MAP2K6: variants seen among roughly 807,000 people sequenced by gnomAD.
The protein encoded by MAP2K6 is dual specificity mitogen-activated protein kinase kinase 6.
MAP2K6 carries 16 observed loss-of-function variants against 53.7 expected under a neutral mutation model. That is an observed-to-expected ratio of 0.30 (90% CI 0.20 to 0.45). The LOEUF is 0.45. Ranked by LOEUF, MAP2K6 falls within the 20% of genes least tolerant of loss-of-function variation. The pLI, the probability that MAP2K6 is intolerant of heterozygous loss-of-function variation, is 1.00. For missense variants in MAP2K6, 204 were observed against 411.9 expected (o/e 0.50, Z 4.37); for synonymous variants, 132 against 143.1 (o/e 0.92, Z 0.55).
intron 11 of MAP2K6, among the ~76,000 whole-genome samples, chr17:69,537,718 T>C (rs1296202384): frequency 6.6e-6 from 1 of 152,346 alleles, no homozygotes; most frequent in East Asian, 1.9e-4. Context: ...TGGGCCTCCA[T>C]TGGGTGCATT....
chr17:69,479,528 A>T (rs1012198870), intron 1 of MAP2K6, among the ~76,000 whole-genome samples: 2 of 147,114 alleles, frequency 1.4e-5, no homozygotes, highest in African/African-American at 5.2e-5. Context: ...TTCCAAAATT[A>T]AAAAAAAAAT....
intron 11 of MAP2K6, among the ~76,000 whole-genome samples, chr17:69,539,934 A>G (rs575306406): frequency 2.6e-5 from 4 of 152,324 alleles, no homozygotes; most frequent in Admixed American, 6.5e-5. Flanking sequence ...GCTCAGGAGG[A>G]AGGACCTGGC....
intron 1 of MAP2K6, among the ~76,000 whole-genome samples, chr17:69,478,006 G>T (rs1598281141): frequency 6.6e-6 from 1 of 152,164 alleles, no homozygotes; most frequent in South Asian, 2.1e-4. Flanking sequence ...GACAGGTAAA[G>T]GTGTTAAAGG....
chr17:69,450,046 T>A (rs112184841), intron 1 of MAP2K6, among the ~76,000 whole-genome samples: 18 of 151,790 alleles, frequency 1.2e-4, no homozygotes, highest in African/African-American at 4.3e-4. Flanking sequence ...GTGATTCTCC[T>A]GCATCAGCCT....
At chr17:69,442,786 TACTTG>T (rs1294705919) in intron 1 of MAP2K6, among the ~76,000 whole-genome samples, 5 of 152,234 alleles carry the variant, frequency 3.3e-5, no homozygotes, top group African/African-American at 1.2e-4. Flanking sequence ...TAACCTTGAA[TACTTG>T]ACTTAACTTC....
intron 2 of MAP2K6, among the ~76,000 whole-genome samples, chr17:69,507,393 G>A (rs991136493): frequency 6.6e-6 from 1 of 151,988 alleles, no homozygotes; most frequent in Admixed American, 6.6e-5. Flanking sequence ...CATTGTGTAA[G>A]TCTTGCATAA....
chr17:69,435,740 C>T (rs1355769260), intron 1 of MAP2K6, among the ~76,000 whole-genome samples: 4 of 151,910 alleles, frequency 2.6e-5, no homozygotes, highest in East Asian at 2.0e-4. Context: ...GGCGTGATCT[C>T]GGCTCACTGC....
chr17:69,415,119 A>G, intron 1 of MAP2K6, 119 bp downstream of exon 1: 1 of 905,144 alleles, frequency 1.1e-6, no homozygotes, highest in Non-Finnish European at 1.8e-6. Context: ...TCCACAGCTC[A>G]GTTGCATTTC....
At chr17:69,464,863 G>C (rs1907743888) in intron 1 of MAP2K6, among the ~76,000 whole-genome samples, 1 of 151,838 alleles carries the variant, frequency 6.6e-6, no homozygotes, top group Admixed American at 6.6e-5. Context: ...TTACAGGCAC[G>C]TGCCACCACG....
intron 10 of MAP2K6, among the ~76,000 whole-genome samples, chr17:69,531,120 A>G (rs1300721531): frequency 6.6e-6 from 1 of 151,724 alleles, no homozygotes; most frequent in Non-Finnish European, 1.5e-5. Context: ...GTCCTCCCAG[A>G]CTTCTCAGAA....
At chr17:69,511,641 A>G (rs1379613771) in intron 2 of MAP2K6, among the ~76,000 whole-genome samples, 13 of 152,234 alleles carry the variant, frequency 8.5e-5, no homozygotes, top group Admixed American at 8.5e-4. Flanking sequence ...ACATGTGAAC[A>G]AACAGAACGA....
At chr17:69,448,244 GTTTTTT>G (rs66982276) in intron 1 of MAP2K6, among the ~76,000 whole-genome samples, 1 of 138,864 alleles carries the variant, frequency 7.2e-6, no homozygotes, top group African/African-American at 2.6e-5. Flanking sequence ...TTTTGTTTTT[GTTTTTT>G]TTTTTTTTCA....
At chr17:69,415,643 A>G (rs1905875802) in intron 1 of MAP2K6, among the ~76,000 whole-genome samples, 1 of 152,236 alleles carries the variant, frequency 6.6e-6, no homozygotes, top group South Asian at 2.1e-4. Flanking sequence ...ATTGGCTCGC[A>G]AAATTTAGAA....
chr17:69,435,624 T>C (rs1017626899), intron 1 of MAP2K6: 5 of 152,076 alleles, frequency 3.3e-5, no homozygotes, highest in African/African-American at 1.2e-4. Flanking sequence ...AGAACAGCAT[T>C]GGCTTTGTGA....
At chr17:69,519,539 C>T (rs1414225823) in intron 5 of MAP2K6, 107 bp downstream of exon 5, 3 of 1,387,676 alleles carry the variant, frequency 2.2e-6, no homozygotes, top group South Asian at 1.3e-5. Flanking sequence ...TTGTTTGACA[C>T]ATCTTGTATA....
At chr17:69,425,472 C>A (rs1906242741) in intron 1 of MAP2K6, among the ~76,000 whole-genome samples, 1 of 152,048 alleles carries the variant, frequency 6.6e-6, no homozygotes, top group Non-Finnish European at 1.5e-5. Flanking sequence ...ACCACCACAC[C>A]CAGCTACTTT....
At chr17:69,426,351 G>A (rs1319763712) in intron 1 of MAP2K6, among the ~76,000 whole-genome samples, 1 of 152,210 alleles carries the variant, frequency 6.6e-6, no homozygotes, top group Non-Finnish European at 1.5e-5. Context: ...ACTCATTCAC[G>A]AGGTCTTTAT....
At chr17:69,519,550 C>CG in intron 5 of MAP2K6, 118 bp downstream of exon 5, 1 of 1,245,734 alleles carries the variant, frequency 8.0e-7, no homozygotes, top group Admixed American at 2.0e-5. Context: ...ATCTTGTATA[C>CG]GGGGGTTTAC....
In MAP2K6 at chr17:69,446,999, C is replaced by T. The variant is rs866036396; in HGVS notation, c.16+31999C>T. Among the ~76,000 whole-genome samples, 70 of 120,402 alleles carry T rather than the reference C, an allele frequency of 5.8e-4. No individual in the cohort carries two copies. The South Asian group carries it at 0.01, about 17-fold the overall frequency. The allele number at this position is 120,402 out of a possible 152,430, so 79.0% of individuals were successfully genotyped here. On this transcript the variant is annotated intron_variant, in intron 1 of 11. Transcript: ENST00000590474. The stretch of plus-strand genomic sequence containing the variant: ...TTCTTTTTTTTTTTTTTTTTTGAGA[C>T]GGAGTTTCACTCTTGTTGCCCAGGC...
Sources: gnomAD v4.1 joint callset for allele counts (sites outside exome capture counted in the v4.1 genomes callset) on GRCh38, gnomAD v4.1.1 for gene constraint, MANE v1.5 for transcripts, NCBI Gene and HGNC (gene_info 2026-07-23, HGNC 2026-07-21) for gene names.